Variants in TEAD1 observed in about 807,000 individuals in gnomAD.
TEAD1 encodes the protein TEA domain transcription factor 1.
Under a neutral mutation model 54.9 loss-of-function variants are expected in TEAD1, and 9 were observed. The ratio of observed to expected loss-of-function variants is 0.16; its 90% CI spans 0.10 to 0.29. The LOEUF (loss-of-function observed/expected upper bound fraction) is 0.29, where lower values mean the gene tolerates loss of function less well. Ranked by LOEUF, TEAD1 falls within the 10% of genes least tolerant of loss-of-function variation. TEAD1 has a pLI of 1.00. For synonymous variants in TEAD1, 200 were observed against 187.8 expected (o/e 1.07, Z -0.53); for missense variants, 387 against 535.9 (o/e 0.72, Z 2.74).
chr11:12,797,650 G>A (rs1313413002), intron 3 of TEAD1, among the ~76,000 whole-genome samples: 6 of 148,462 alleles, frequency 4.0e-5, no homozygotes, highest in African/African-American at 1.5e-4. Context: ...CCTCTTTTTT[G>A]TAGGGGTTTC....
rs186280978 is a variant in TEAD1 at position 12,716,186 on chromosome 11, G to A, written c.-55+40625G>A. Reference sequence around the variant, plus strand: ...CAGTCTGAACACTGGTGGAAACTCCGGCCAACTCTCTCCACTGCCCTCCTT... The same window carrying A: ...CAGTCTGAACACTGGTGGAAACTCCAGCCAACTCTCTCCACTGCCCTCCTT... On this transcript the variant is annotated intron_variant, in intron 2 of 12. Coordinates refer to ENST00000527636, the MANE Select transcript of TEAD1 (RefSeq NM_021961.6). 2.0e-5 allele frequency among the ~76,000 whole-genome samples: 3 copies of A among 152,130 alleles called. No individual in the cohort carries two copies. In the South Asian group the frequency reaches 6.2e-4, roughly 32 times the overall value.
At chr11:12,883,981 G>A (rs1482607443) in intron 9 of TEAD1, among the ~76,000 whole-genome samples, 2 of 142,484 alleles carry the variant, frequency 1.4e-5, no homozygotes, top group South Asian at 2.4e-4. Context: ...GCGACAGAGC[G>A]AGACTCCGTC....
intron 3 of TEAD1, among the ~76,000 whole-genome samples, chr11:12,838,094 G>A (rs1359873244): frequency 3.3e-5 from 5 of 152,156 alleles, no homozygotes; most frequent in African/African-American, 1.2e-4. Flanking sequence ...ACCGTGCCCA[G>A]CCTAATCTAT....
At chr11:12,841,323 C>T (rs1171291784) in intron 3 of TEAD1, among the ~76,000 whole-genome samples, 5 of 152,316 alleles carry the variant, frequency 3.3e-5, no homozygotes, top group South Asian at 4.2e-4. Flanking sequence ...TGCCTATAAT[C>T]GGTGCTTAGC....
chr11:12,722,025 A>G (rs1263441327), intron 2 of TEAD1, among the ~76,000 whole-genome samples: 1 of 152,240 alleles, frequency 6.6e-6, no homozygotes, highest in South Asian at 2.1e-4. Context: ...GGTTGGTGCC[A>G]GTTGTCTGAG....
At chr11:12,690,827 G>A (rs979091268) in intron 2 of TEAD1, among the ~76,000 whole-genome samples, 7 of 152,168 alleles carry the variant, frequency 4.6e-5, no homozygotes, top group Non-Finnish European at 7.3e-5. Flanking sequence ...ATGCGATCCC[G>A]GCTTGCCGTA....
intron 3 of TEAD1, among the ~76,000 whole-genome samples, chr11:12,807,947 G>A (rs770415924): frequency 3.3e-5 from 5 of 152,284 alleles, no homozygotes; most frequent in South Asian, 4.1e-4. Flanking sequence ...CCGAGTCCTA[G>A]ATGTAATTTG....
chr11:12,773,381 T>G (rs187004972), intron 3 of TEAD1, among the ~76,000 whole-genome samples: 1 of 152,356 alleles, frequency 6.6e-6, no homozygotes, highest in Admixed American at 6.5e-5. Flanking sequence ...GTTGTACCAC[T>G]TTACATTCTC....
intron 2 of TEAD1, among the ~76,000 whole-genome samples, chr11:12,726,603 T>C (rs1944318926): frequency 6.6e-6 from 1 of 152,220 alleles, no homozygotes; most frequent in Non-Finnish European, 1.5e-5. Flanking sequence ...GCACGGTGGC[T>C]CATGTCTATA....
chr11:12,796,702 G>A (rs1194513534), intron 3 of TEAD1, among the ~76,000 whole-genome samples: 1 of 151,578 alleles, frequency 6.6e-6, no homozygotes, highest in Non-Finnish European at 1.5e-5. Context: ...CTGCAGCCTG[G>A]GCAACAGAGC....
intron 2 of TEAD1, among the ~76,000 whole-genome samples, chr11:12,690,713 C>G (rs1029138438): frequency 6.6e-6 from 1 of 152,198 alleles, no homozygotes; most frequent in African/African-American, 2.4e-5. Flanking sequence ...CTGCCTGTAT[C>G]TATTATTTCA....
Position 12,730,842 on chromosome 11 carries a change from AG to A in TEAD1, c.-54-33335del, listed in dbSNP as rs111634989. Among the ~76,000 whole-genome samples the A allele has an allele frequency of 2.2e-3, 339 of 151,812 alleles. 1 individual carries two copies. The highest frequency in any genetic ancestry group is 7.3e-3 in the African/African-American group (304 of 41,372). Reference sequence around the variant, plus strand: ...CAGCCTCCCAAGCAGCTGGAACTACAGGCACACACCACCATGCCCGGCTAAT... The same window carrying A: ...CAGCCTCCCAAGCAGCTGGAACTACAGCACACACCACCATGCCCGGCTAAT... On this transcript the variant is annotated intron_variant, in intron 2 of 12. Transcript: ENST00000527636.
At chr11:12,835,696 A>G (rs1200361358) in intron 3 of TEAD1, among the ~76,000 whole-genome samples, 1 of 152,160 alleles carries the variant, frequency 6.6e-6, no homozygotes, top group Admixed American at 6.5e-5. Context: ...GCCTAGAAGA[A>G]TGTGTTATTT....
At position 12,859,163 on chromosome 11, in the gene TEAD1, G is replaced by T. The variant is rs114380799; in HGVS notation, c.203-3087G>T. Among the ~76,000 whole-genome samples, 770 of 152,316 alleles carry T rather than the reference G, an allele frequency of 5.1e-3. 7 individuals are homozygous for T. The highest frequency in any genetic ancestry group is 0.018 in the African/African-American group (729 of 41,570). ...CCAAGGGGTGCCATTTGTATAGGCT[G>T]TGGTACACAGTCAAATAGGGCTGTC... On this transcript the variant is annotated intron_variant, in intron 3 of 12. Transcript: ENST00000527636.
At chr11:12,720,893 C>T (rs1944181616) in intron 2 of TEAD1, among the ~76,000 whole-genome samples, 1 of 152,210 alleles carries the variant, frequency 6.6e-6, no homozygotes, top group Non-Finnish European at 1.5e-5. Context: ...GACTCTCTGA[C>T]CATGACTTGT....
intron 5 of TEAD1, among the ~76,000 whole-genome samples, chr11:12,869,131 A>G (rs559791598): frequency 6.6e-6 from 1 of 152,310 alleles, no homozygotes; most frequent in East Asian, 1.9e-4. Context: ...TATCCCACTG[A>G]GGAGAAGGGA....
chr11:12,749,053 C>G (rs1238248878), intron 2 of TEAD1, among the ~76,000 whole-genome samples: 2 of 152,136 alleles, frequency 1.3e-5, no homozygotes, highest in African/African-American at 4.8e-5. Context: ...TTCATGGGGA[C>G]TTTTACAGAT....
intron 3 of TEAD1, among the ~76,000 whole-genome samples, chr11:12,825,451 A>G (rs372225197): frequency 6.6e-6 from 1 of 152,244 alleles, no homozygotes; most frequent in Non-Finnish European, 1.5e-5. Context: ...GCACCAAGCA[A>G]TCTGAAACCC....
intron 5 of TEAD1, among the ~76,000 whole-genome samples, chr11:12,875,450 T>C (rs1343529975): frequency 1.3e-5 from 2 of 152,226 alleles, no homozygotes; most frequent in African/African-American, 4.8e-5. Context: ...CGTTTCAGGA[T>C]AAGTGGGTCT....
Sources: allele counts gnomAD v4.1 joint callset (sites outside exome capture counted in the v4.1 genomes callset), GRCh38; gene constraint gnomAD v4.1.1; transcripts MANE v1.5; gene names NCBI Gene and HGNC (gene_info 2026-07-23, HGNC 2026-07-21).